The following SEM1 variants were observed in gnomAD, a reference collection of about 807,000 sequenced individuals.
SEM1 encodes the protein SEM1 26S proteasome subunit.
Under a neutral mutation model 12.7 loss-of-function variants are expected in SEM1, and 3 were observed. The ratio of observed to expected loss-of-function variants is 0.24; its 90% CI spans 0.11 to 0.61. SEM1 has a LOEUF of 0.61. SEM1 is among the 20% of genes least tolerant of loss of function. The pLI is 0.88. For synonymous variants in SEM1, 30 were observed against 27.8 expected (o/e 1.08, Z -0.25); for missense variants, 59 against 81.3 (o/e 0.73, Z 1.06).
At chr7:96,657,810 C>T (rs1050473100) in intron 2 of SEM1, among the ~76,000 whole-genome samples, 2 of 152,158 alleles carry the variant, frequency 1.3e-5, no homozygotes, top group African/African-American at 2.4e-5. Flanking sequence ...AGTGGCCAGC[C>T]CTTTGCCCAG....
chr7:96,621,567 A>G (rs1355105560), downstream of SEM1: 1 of 152,192 alleles, frequency 6.6e-6, no homozygotes, highest in Non-Finnish European at 1.5e-5. Context: ...ATTTTGTAAT[A>G]TCACCCTCTT....
chr7:96,570,572 ATTTTCT>A (rs1319535934), intron 2 of SEM1, among the ~76,000 whole-genome samples: 1 of 151,962 alleles, frequency 6.6e-6, no homozygotes, highest in Non-Finnish European at 1.5e-5. Flanking sequence ...TATGTGCCAC[ATTTTCT>A]TTATCCAGTC....
At chr7:96,683,409 A>G (rs1462110578) in intron 2 of SEM1, among the ~76,000 whole-genome samples, 1 of 152,026 alleles carries the variant, frequency 6.6e-6, no homozygotes, top group Non-Finnish European at 1.5e-5. Context: ...GATGTGGAGA[A>G]ATAGGAACAC....
At chr7:96,665,783 A>G (rs995025764) in intron 2 of SEM1, among the ~76,000 whole-genome samples, 1 of 152,228 alleles carries the variant, frequency 6.6e-6, no homozygotes, top group African/African-American at 2.4e-5. Flanking sequence ...AAGGGTTTTT[A>G]AGGTCTCCAA....
intron 2 of SEM1, among the ~76,000 whole-genome samples, chr7:96,692,636 T>C (rs1465339039): frequency 6.6e-6 from 1 of 151,938 alleles, no homozygotes; most frequent in African/African-American, 2.4e-5. Flanking sequence ...TAAACTGAAA[T>C]CTGTAAAAAG....
rs1368737425 is a variant in SEM1, at chr7:96,643,708, G to T, written c.171-21065C>A. ...TTCTCAGCAAACTAACACAAGAACA[G>T]AAAACCAAACACCGCATGTTCTCAC... On this transcript the variant is annotated intron_variant, in intron 2 of 2. Coordinates refer to the SEM1 transcript ENST00000417009. Among the ~76,000 whole-genome samples, 4 of 152,120 alleles carry T rather than the reference G, an allele frequency of 2.6e-5. No individual in the cohort carries two copies. The East Asian group carries it at 7.7e-4, about 29-fold the overall frequency.
At chr7:96,598,283 G>A (rs934264842) in intron 2 of SEM1, among the ~76,000 whole-genome samples, 1 of 152,086 alleles carries the variant, frequency 6.6e-6, no homozygotes, top group Non-Finnish European at 1.5e-5. Flanking sequence ...GAGCTGGATA[G>A]AATGCACAGA....
intron 2 of SEM1, among the ~76,000 whole-genome samples, chr7:96,555,684 G>T (rs912216099): frequency 6.9e-6 from 1 of 144,724 alleles, no homozygotes; most frequent in African/African-American, 2.5e-5. Flanking sequence ...GGGGTGGAGA[G>T]TTCTGTAGAT....
chr7:96,666,058 G>A (rs1442362104), intron 2 of SEM1, among the ~76,000 whole-genome samples: 3 of 152,150 alleles, frequency 2.0e-5, no homozygotes, highest in Non-Finnish European at 4.4e-5. Context: ...TGTGAGGAAG[G>A]GTGAAATTAA....
rs559522063 is a variant in SEM1 at position 96,665,174 on chromosome 7, C to T, written c.170+29624G>A. On this transcript the variant is annotated intron_variant, in intron 2 of 2. Coordinates refer to the SEM1 transcript ENST00000417009. Reference sequence around the variant, plus strand: ...AGAAAGGCAGCTTGATCCTAGCCTCCCACTCCCAGCCAGCCCCTGACCCAG... The same window carrying T: ...AGAAAGGCAGCTTGATCCTAGCCTCTCACTCCCAGCCAGCCCCTGACCCAG... 2.6e-5 allele frequency among the ~76,000 whole-genome samples: 4 copies of T among 152,248 alleles called. No homozygotes were observed. In the South Asian group the frequency reaches 8.3e-4, roughly 32 times the overall value.
At chr7:96,502,997 C>T (rs1803621274) in intron 3 of SEM1, among the ~76,000 whole-genome samples, 1 of 152,126 alleles carries the variant, frequency 6.6e-6, no homozygotes, top group South Asian at 2.1e-4. Context: ...AGTGCTGATT[C>T]CCTTAAATAA....
intron 2 of SEM1, among the ~76,000 whole-genome samples, chr7:96,600,563 A>C (rs1248030297): frequency 6.6e-6 from 1 of 152,176 alleles, no homozygotes; most frequent in Admixed American, 6.5e-5. Context: ...AGTGAGTGTG[A>C]GTAAGGTGCC....
intron 1 of SEM1, among the ~76,000 whole-genome samples, chr7:96,703,950 G>C (rs141100583): frequency 1.3e-5 from 2 of 148,950 alleles, no homozygotes; most frequent in South Asian, 2.1e-4. Flanking sequence ...CAGAGCACCA[G>C]AGCAAGACCT....
chr7:96,552,307 C>A (rs977785432), intron 2 of SEM1, among the ~76,000 whole-genome samples: 2 of 152,134 alleles, frequency 1.3e-5, no homozygotes, highest in African/African-American at 4.8e-5. Flanking sequence ...CGTCATCTAG[C>A]ATTAGGTATA....
At chr7:96,502,115 T>C (rs1250678465) in intron 3 of SEM1, among the ~76,000 whole-genome samples, 1 of 152,186 alleles carries the variant, frequency 6.6e-6, no homozygotes, top group Admixed American at 6.6e-5. Flanking sequence ...ATATTTTCTT[T>C]ATCCAGTCCT....
intron 2 of SEM1, among the ~76,000 whole-genome samples, chr7:96,689,619 CACT>C (rs1789865633): frequency 6.6e-6 from 1 of 152,166 alleles, no homozygotes; most frequent in Non-Finnish European, 1.5e-5. Flanking sequence ...GCTTAGACAC[CACT>C]ACACTATTCC....
At chr7:96,533,640 C>T (rs1467558883) in intron 2 of SEM1, among the ~76,000 whole-genome samples, 1 of 151,966 alleles carries the variant, frequency 6.6e-6, no homozygotes, top group African/African-American at 2.4e-5. Flanking sequence ...CTTTGTTATT[C>T]CCTCCTTTGG....
At chr7:96,676,653 A>C (rs1217141307) in intron 2 of SEM1, among the ~76,000 whole-genome samples, 1 of 152,184 alleles carries the variant, frequency 6.6e-6, no homozygotes, top group Non-Finnish European at 1.5e-5. Flanking sequence ...TAAAGATGAC[A>C]AATTTTGCTG....
chr7:96,613,098 C>A (rs1419106098), intron 2 of SEM1, among the ~76,000 whole-genome samples: 1 of 152,082 alleles, frequency 6.6e-6, no homozygotes, highest in Non-Finnish European at 1.5e-5. Flanking sequence ...TAATGGAAAA[C>A]CATGCATTGT....
Sources: allele counts gnomAD v4.1 joint callset (sites outside exome capture counted in the v4.1 genomes callset), GRCh38; gene constraint gnomAD v4.1.1; transcripts MANE v1.5; gene names NCBI Gene and HGNC (gene_info 2026-07-23, HGNC 2026-07-21).